ROBO2: variants seen among roughly 807,000 people sequenced by gnomAD.
ROBO2 encodes roundabout guidance receptor 2, also known as roundabout homolog 2.
In ROBO2, 53 loss-of-function variants were observed where a neutral mutation model predicts 160.8. The ratio of observed to expected loss-of-function variants is 0.33; its 90% confidence interval spans 0.26 to 0.41. The LOEUF (loss-of-function observed/expected upper bound fraction) is 0.41, where lower values mean the gene tolerates loss of function less well. Ranked by LOEUF, ROBO2 falls within the 10% of genes least tolerant of loss-of-function variation. The pLI, the probability that ROBO2 is intolerant of heterozygous loss-of-function variation, is 1.00. For missense variants in ROBO2, 1,577 were observed against 1,722.4 expected, an observed-to-expected ratio of 0.92 and a Z score of 1.49; for synonymous variants, 664 against 611.7, an observed-to-expected ratio of 1.09 and a Z score of -1.26.
chr3:77,310,752 C>A (rs1211760542), intron 2 of ROBO2, among the ~76,000 whole-genome samples: 1 of 151,422 alleles, frequency 6.6e-6, no homozygotes. Flanking sequence ...TAGAACAACC[C>A]TGTATTATAA....
In ROBO2 at chr3:76,298,104, C is replaced by A. The variant is rs916256357; in HGVS notation, c.109+360502C>A. On this transcript the variant is annotated intron_variant, in intron 2 of 26. Coordinates refer to the ROBO2 transcript ENST00000487694. ...ACTCTGAAATAATAAAATAGTACAG[C>A]CTTTTTCGAAACATGCCATCATAGA... Among the ~76,000 whole-genome samples the A allele has an allele frequency of 4.6e-5, 7 of 152,236 alleles. No individual in the cohort carries two copies. The East Asian group carries it at 7.7e-4, about 17-fold the overall frequency.
At chr3:75,912,294 C>A (rs1054534275) in intron 1 of ROBO2, among the ~76,000 whole-genome samples, 9 of 152,136 alleles carry the variant, frequency 5.9e-5, no homozygotes, top group Admixed American at 5.9e-4. Flanking sequence ...TCTGTCAGCA[C>A]TGAGTGAGAT....
intron 5 of ROBO2, among the ~76,000 whole-genome samples, chr3:77,519,060 A>G (rs1201497943): frequency 6.6e-6 from 1 of 151,476 alleles, no homozygotes; most frequent in Admixed American, 6.6e-5. Context: ...AGTCTCTTTG[A>G]AAGGTAGTCT....
chr3:76,508,412 G>A (rs947227835), intron 2 of ROBO2, among the ~76,000 whole-genome samples: 5 of 152,060 alleles, frequency 3.3e-5, no homozygotes, highest in Non-Finnish European at 5.9e-5. Flanking sequence ...AAAAAAATAA[G>A]ATTAAATATA....
chr3:76,106,296 C>T (rs2126537), intron 2 of ROBO2, among the ~76,000 whole-genome samples: 100,731 of 151,976 alleles, frequency 0.66, 34,691 homozygotes, highest in African/African-American at 0.86. Context: ...TTTACAAACA[C>T]AAAAGCAAAA....
intron 2 of ROBO2, among the ~76,000 whole-genome samples, chr3:77,421,364 T>A (rs1016973139): frequency 6.6e-6 from 1 of 152,118 alleles, no homozygotes; most frequent in Non-Finnish European, 1.5e-5. Flanking sequence ...TTTACTACAA[T>A]CTGATCGTGT....
chr3:76,118,009 G>C (rs1374143203), intron 2 of ROBO2, among the ~76,000 whole-genome samples: 1 of 151,996 alleles, frequency 6.6e-6, no homozygotes, highest in East Asian at 1.9e-4. Context: ...GTGGGGTGAG[G>C]GGGAGGGATG....
chr3:77,476,023 A>G (rs2153583914), intron 2 of ROBO2, among the ~76,000 whole-genome samples: 1 of 152,322 alleles, frequency 6.6e-6, no homozygotes, highest in African/African-American at 2.4e-5. Flanking sequence ...CTTCAATAAG[A>G]GACAAGGTGC....
chr3:76,708,710 G>T (rs1203443993), intron 2 of ROBO2, among the ~76,000 whole-genome samples: 1 of 152,194 alleles, frequency 6.6e-6, no homozygotes, highest in African/African-American at 2.4e-5. Context: ...TTTCCAGAAA[G>T]GAGTAATAAA....
chr3:77,138,141 A>G (rs151282607), intron 2 of ROBO2, among the ~76,000 whole-genome samples: 1 of 152,322 alleles, frequency 6.6e-6, no homozygotes, highest in East Asian at 1.9e-4. Flanking sequence ...AATATGGTTC[A>G]ATTGTCCTTA....
intron 2 of ROBO2, among the ~76,000 whole-genome samples, chr3:76,244,669 T>C (rs574358731): frequency 2.0e-5 from 3 of 152,282 alleles, no homozygotes; most frequent in Admixed American, 6.5e-5. Flanking sequence ...GAAGAAGTAT[T>C]GGACTGGACG....
intron 2 of ROBO2, among the ~76,000 whole-genome samples, chr3:76,493,364 T>TATATATATATATATATATATATAA (rs1491215318): frequency 2.0e-4 from 28 of 136,744 alleles, no homozygotes; most frequent in African/African-American, 6.7e-4. Flanking sequence ...TATATATATA[T>TATATATATATATATATATATATAA]AATTGTATAT....
intron 25 of ROBO2, among the ~76,000 whole-genome samples, 184 bp from the exon 28 acceptor site, chr3:77,645,870 T>C (rs1021841680): frequency 6.6e-5 from 10 of 152,260 alleles, no homozygotes; most frequent in Non-Finnish European, 1.0e-4. Flanking sequence ...CCAAATTCTA[T>C]AGTGTTTTCT....
At chr3:77,394,031 G>T (rs1430464151) in intron 2 of ROBO2, among the ~76,000 whole-genome samples, 1 of 152,108 alleles carries the variant, frequency 6.6e-6, no homozygotes, top group Admixed American at 6.6e-5. Flanking sequence ...CTTATAGAGT[G>T]AACCCTCATA....
intron 2 of ROBO2, among the ~76,000 whole-genome samples, chr3:77,267,324 T>C (rs1315531017): frequency 2.0e-5 from 3 of 152,178 alleles, no homozygotes; most frequent in Non-Finnish European, 4.4e-5. Flanking sequence ...CAAAGTACAA[T>C]AGTCCAGAAA....
intron 2 of ROBO2, among the ~76,000 whole-genome samples, chr3:76,704,836 A>G: frequency 6.6e-6 from 1 of 152,132 alleles, no homozygotes; most frequent in South Asian, 2.1e-4. Context: ...CCAGTTCAGC[A>G]CTACCCTCCT....
intron 2 of ROBO2, among the ~76,000 whole-genome samples, chr3:76,335,852 A>T (rs2108092606): frequency 6.6e-6 from 1 of 152,342 alleles, no homozygotes; most frequent in South Asian, 2.1e-4. Flanking sequence ...TTGGGATTAC[A>T]GGTGTGAGCC....
chr3:77,289,496 T>C (rs1304290500), intron 2 of ROBO2, among the ~76,000 whole-genome samples: 1 of 150,530 alleles, frequency 6.6e-6, no homozygotes, highest in Non-Finnish European at 1.5e-5. Flanking sequence ...AGATATAAAG[T>C]AAAATTGACG....
chr3:77,308,097 T>C (rs926969916), intron 2 of ROBO2, among the ~76,000 whole-genome samples: 23 of 146,264 alleles, frequency 1.6e-4, no homozygotes, highest in African/African-American at 6.3e-4. Flanking sequence ...GATATTTCTT[T>C]TTTTTTTTTT....
Sources: gnomAD v4.1 joint callset for allele counts (sites outside exome capture counted in the v4.1 genomes callset) on GRCh38, gnomAD v4.1.1 for gene constraint, MANE v1.5 for transcripts, NCBI Gene and HGNC (gene_info 2026-07-23, HGNC 2026-07-21) for gene names.